The following CXADR variants were observed in gnomAD, a reference collection of about 807,000 sequenced individuals.
CXADR encodes the protein CXADR cell adhesion molecule, also known as coxsackievirus and adenovirus receptor.
CXADR carries 20 observed loss-of-function variants against 40.3 expected under a neutral mutation model. The observed-to-expected ratio is 0.50, with a 90% confidence interval of 0.35 to 0.72. CXADR has a LOEUF of 0.72. Among genes scored for constraint, CXADR ranks in the 30% least tolerant of loss-of-function variants. The probability of loss-of-function intolerance (pLI) is 0.01; values close to 1 mark genes in which losing one functional copy is unlikely to be tolerated. For synonymous variants in CXADR, 150 were observed against 161.3 expected, an observed-to-expected ratio of 0.93 and a Z score of 0.53; for missense variants, 332 against 449.1, an observed-to-expected ratio of 0.74 and a Z score of 2.36.
At chr21:17,533,448 T>G (rs2060703714) in intron 1 of CXADR, among the ~76,000 whole-genome samples, 1 of 152,232 alleles carries the variant, frequency 6.6e-6, no homozygotes. Context: ...TTATTACTGT[T>G]GTATGATGTT....
the CXADR span, among the ~76,000 whole-genome samples, chr21:17,635,595 C>A: frequency 6.6e-6 from 1 of 152,138 alleles, no homozygotes; most frequent in Non-Finnish European, 1.5e-5. Context: ...TATTTCAAAT[C>A]AAAAAGTTTT....
chr21:17,531,720 T>C (rs928518968), intron 1 of CXADR, among the ~76,000 whole-genome samples: 7 of 152,202 alleles, frequency 4.6e-5, no homozygotes, highest in African/African-American at 9.7e-5. Flanking sequence ...CAATTTCTTG[T>C]ACTCTAATGT....
chr21:17,578,646 T>A (rs771536034), intron 7 of CXADR, among the ~76,000 whole-genome samples: 1 of 152,138 alleles, frequency 6.6e-6, no homozygotes, highest in Non-Finnish European at 1.5e-5. Context: ...CTGGCCAACA[T>A]GGCAAAGCCC....
intron 7 of CXADR, among the ~76,000 whole-genome samples, chr21:17,592,644 T>C (rs1019149557): frequency 1.3e-5 from 2 of 151,870 alleles, no homozygotes; most frequent in African/African-American, 4.8e-5. Context: ...TTTTCCTTTT[T>C]TTCTTTCAAT....
the CXADR span, chr21:17,612,469 G>T: frequency 1.3e-5 from 2 of 151,486 alleles, no homozygotes; most frequent in African/African-American, 4.9e-5. Context: ...TTCCTCAGGC[G>T]CCCGCCGAGG....
chr21:17,560,034 G>A (rs2249443), intron 4 of CXADR, among the ~76,000 whole-genome samples: 96,236 of 151,532 alleles, frequency 0.64, 30,974 homozygotes, highest in East Asian at 0.76. Context: ...CTAAAGTATA[G>A]TAAGAGTTGG....
intron 1 of CXADR, among the ~76,000 whole-genome samples, chr21:17,524,965 G>A (rs945873601): frequency 1.3e-5 from 2 of 152,124 alleles, no homozygotes; most frequent in Admixed American, 6.6e-5. Context: ...GTTGACTCAA[G>A]TTTTTGTAGT....
chr21:17,599,206 C>T, the CXADR span: 39 of 192,052 alleles, frequency 2.0e-4, no homozygotes, highest in African/African-American at 8.6e-4. Flanking sequence ...AGATGGGTTT[C>T]ACTCTGTTGC....
the CXADR span, among the ~76,000 whole-genome samples, chr21:17,632,953 G>T: frequency 7.9e-5 from 12 of 152,178 alleles, no homozygotes; most frequent in Non-Finnish European, 1.5e-4. Context: ...TATAATCACA[G>T]TGTTCCCAAG....
At chr21:17,612,973 G>C in the CXADR span, 4 of 151,968 alleles carry the variant, frequency 2.6e-5, no homozygotes, top group Non-Finnish European at 4.4e-5. Context: ...CCCGGGAAAG[G>C]GTTGGCGCGC....
the CXADR span, chr21:17,613,975 T>C: frequency 6.6e-6 from 1 of 152,212 alleles, no homozygotes; most frequent in Non-Finnish European, 1.5e-5. Flanking sequence ...TGTTTTCAGC[T>C]CAGTTTTATG....
chr21:17,605,956 G>T, the CXADR span, among the ~76,000 whole-genome samples: 1 of 152,054 alleles, frequency 6.6e-6, no homozygotes, highest in Admixed American at 6.6e-5. Context: ...TAGTAATTAC[G>T]CTGTAAAATA....
At chr21:17,563,248 C>T (rs1445276562) in intron 6 of CXADR, among the ~76,000 whole-genome samples, 2 of 152,146 alleles carry the variant, frequency 1.3e-5, no homozygotes, top group African/African-American at 4.8e-5. Context: ...GATCGCACCA[C>T]TGCACCCTAC....
At chr21:17,545,521 A>T (rs555059280) in intron 1 of CXADR, among the ~76,000 whole-genome samples, 1 of 151,368 alleles carries the variant, frequency 6.6e-6, no homozygotes, top group Admixed American at 6.6e-5. Flanking sequence ...CTACCTCCCA[A>T]GTTCAAGCGA....
In CXADR at chr21:17,565,698, C is replaced by T. The variant is rs2061198276; in HGVS notation, c.*6C>T. On this transcript the variant is annotated 3_prime_UTR_variant, in exon 7 of 7. Transcript: ENST00000284878. ...AGGATGGGTCTATAGTATAGAGCCT[C>T]CATATGTCTCATCTGTGCTCTCCGT... The T allele has an allele frequency of 6.2e-7, 1 of 1,610,422 alleles. No individual in the cohort carries two copies.
chr21:17,565,282 GACACACACACACACACAC>G (rs6147430), intron 6 of CXADR, 128 bp from the exon 7 acceptor site: 160 of 803,930 alleles, frequency 2.0e-4, no homozygotes, highest in Non-Finnish European at 2.7e-4. Flanking sequence ...GCTTTTTTGT[GACACACACACACACACAC>G]ACACACACAC....
At chr21:17,615,141 G>T in the CXADR span, among the ~76,000 whole-genome samples, 1 of 152,180 alleles carries the variant, frequency 6.6e-6, no homozygotes, top group Non-Finnish European at 1.5e-5. Context: ...AATGGAATTA[G>T]TGCCCTTGTA....
chr21:17,541,141 G>T (rs2060821958), intron 1 of CXADR, among the ~76,000 whole-genome samples: 1 of 152,000 alleles, frequency 6.6e-6, no homozygotes, highest in Admixed American at 6.6e-5. Context: ...TTACCACCTA[G>T]AGTCCATAGT....
At chr21:17,629,744 G>A in the CXADR span, among the ~76,000 whole-genome samples, 1 of 152,114 alleles carries the variant, frequency 6.6e-6, no homozygotes, top group Non-Finnish European at 1.5e-5. Flanking sequence ...GGCTGAGGCA[G>A]GAAGATCACT....
Sources: allele counts gnomAD v4.1 joint callset (sites outside exome capture counted in the v4.1 genomes callset), GRCh38; gene constraint gnomAD v4.1.1; transcripts MANE v1.5; gene names NCBI Gene and HGNC (gene_info 2026-07-23, HGNC 2026-07-21).